Variants in MTFR1 observed in about 807,000 individuals in gnomAD.
MTFR1 encodes the protein chondrocyte protein with a poly-proline region.
Under a neutral mutation model 38.8 loss-of-function variants are expected in MTFR1, and 28 were observed. The observed-to-expected ratio is 0.72, with a 90% CI of 0.53 to 0.99. The LOEUF (loss-of-function observed/expected upper bound fraction) is 0.99. Ranked by LOEUF, MTFR1 falls within the 50% of genes least tolerant of loss-of-function variation. The probability of loss-of-function intolerance (pLI) is 0.00; values close to 1 mark genes in which losing one functional copy is unlikely to be tolerated. For missense variants in MTFR1, 358 were observed against 395.5 expected (o/e 0.91, Z 0.81); for synonymous variants, 145 against 137.0 (o/e 1.06, Z -0.41).
At chr8:65,646,427 A>T (rs191504470) in intron 1 of MTFR1, among the ~76,000 whole-genome samples, 41 of 152,320 alleles carry the variant, frequency 2.7e-4, no homozygotes, top group African/African-American at 9.9e-4. Flanking sequence ...TATTTCTGTT[A>T]AGCCACAAAT....
rs758784637 is a variant in MTFR1, at chr8:65,682,384, C to G, written c.98C>G (p.Ser33Cys). The G allele has an allele frequency of 6.4e-7, 1 of 1,572,166 alleles. No homozygotes were observed. Among genetic ancestry groups the G allele is most frequent in the African/African-American group, 1.4e-5 (1 of 73,194 alleles). Residue 33 changes from serine to cysteine, a missense_variant, in exon 3 of 8, where the codon TCT becomes TGT. Coordinates refer to ENST00000262146, the MANE Select transcript of MTFR1 (RefSeq NM_014637.4). ...TGGTCTAGGAAGCCATATGGTTCGT[C>G]TCGAAGTATCGTAAGGAAAATTGGT... ...VLWSRKPYGS[S>C]RSIVRKIGTN...
downstream of MTFR1, among the ~76,000 whole-genome samples, chr8:65,713,871 A>T (rs1806028350): frequency 1.3e-5 from 2 of 151,898 alleles, no homozygotes; most frequent in South Asian, 4.2e-4. Flanking sequence ...TTTTTTTAGT[A>T]GAGATGGGGT....
chr8:65,766,610 G>A (rs1293018202), intron 3 of MTFR1, among the ~76,000 whole-genome samples: 5 of 152,184 alleles, frequency 3.3e-5, no homozygotes, highest in Non-Finnish European at 5.9e-5. Context: ...CAGCATTGAC[G>A]TCAGTCTCTT....
intron 3 of MTFR1, chr8:65,724,815 A>C: frequency 6.2e-7 from 1 of 1,612,092 alleles, no homozygotes; most frequent in Non-Finnish European, 8.5e-7. Flanking sequence ...TCTTCTAGGC[A>C]TAAATCACCT....
intron 4 of MTFR1, among the ~76,000 whole-genome samples, chr8:65,698,654 T>C (rs1468228822): frequency 3.9e-5 from 6 of 152,150 alleles, no homozygotes; most frequent in Non-Finnish European, 8.8e-5. Flanking sequence ...ACTCAGGTAA[T>C]AAGCATAGGA....
intron 3 of MTFR1, among the ~76,000 whole-genome samples, chr8:65,751,497 G>T (rs1407724254): frequency 4.0e-5 from 6 of 150,988 alleles, no homozygotes; most frequent in Non-Finnish European, 8.8e-5. Context: ...CTTTTCTCGA[G>T]TTTCATCTCT....
rs150265219 is a variant in MTFR1 at position 65,716,421 on chromosome 8, G to A, written c.382-2959G>A. Reference sequence around the variant, plus strand: ...GGTAATGACGTTATTTAATGCATGTGCCAATCAGAAGCTGATGTAGAGAAG... The same window carrying A: ...GGTAATGACGTTATTTAATGCATGTACCAATCAGAAGCTGATGTAGAGAAG... On this transcript the variant is annotated intron_variant, in intron 2 of 3. Coordinates refer to the MTFR1 transcript ENST00000521247. Among the ~76,000 whole-genome samples, 664 of 152,244 alleles carry A rather than the reference G, an allele frequency of 4.4e-3. 16 individuals are homozygous for A. Among genetic ancestry groups the A allele is most frequent in the Admixed American group, 0.037 (563 of 15,282 alleles).
At chr8:65,730,343 G>A (rs1280658512) in intron 3 of MTFR1, among the ~76,000 whole-genome samples, 3 of 151,342 alleles carry the variant, frequency 2.0e-5, no homozygotes, top group Non-Finnish European at 4.4e-5. Context: ...ACCACAACCA[G>A]CTAATTTTGT....
intron 3 of MTFR1, among the ~76,000 whole-genome samples, chr8:65,743,867 C>G (rs568494849): frequency 1.1e-3 from 169 of 151,364 alleles, no homozygotes; most frequent in Non-Finnish European, 1.6e-3. Context: ...CAGTCTCGCT[C>G]TATTGCCCAG....
chr8:65,727,202 T>C, intron 3 of MTFR1: 1 of 1,612,376 alleles, frequency 6.2e-7, no homozygotes, highest in Non-Finnish European at 8.5e-7. Flanking sequence ...TGGTTAGTTT[T>C]AATAAGGAAA....
chr8:65,658,861 A>G (rs1359053449), intron 1 of MTFR1, among the ~76,000 whole-genome samples: 1 of 152,162 alleles, frequency 6.6e-6, no homozygotes, highest in Non-Finnish European at 1.5e-5. Context: ...AAGAGCTTCT[A>G]AAAGAGCTTA....
chr8:65,660,690 A>G lies in MTFR1; in HGVS notation c.-80-9183A>G, dbSNP rs75235266. Among the ~76,000 whole-genome samples the G allele has an allele frequency of 2.9e-3, 445 of 152,266 alleles. 2 individuals carry two copies. The highest frequency in any genetic ancestry group is 0.01 in the African/African-American group (424 of 41,558). On this transcript the variant is annotated intron_variant, in intron 1 of 7. Coordinates refer to ENST00000262146, the MANE Select transcript of MTFR1 (RefSeq NM_014637.4). The stretch of plus-strand genomic sequence containing the variant: ...AATCCCTCATAATAAATCTGTTTCT[A>G]TGTATCTATATTTTGTTGGTTCTCT...
At chr8:65,680,977 A>G (rs1311970871) in intron 2 of MTFR1, among the ~76,000 whole-genome samples, 9 of 148,166 alleles carry the variant, frequency 6.1e-5, no homozygotes, top group Non-Finnish European at 1.2e-4. Context: ...CAGTGGCGCA[A>G]TCTCGGCTCA....
At chr8:65,655,146 A>G (rs901843783) in intron 1 of MTFR1, among the ~76,000 whole-genome samples, 2 of 152,196 alleles carry the variant, frequency 1.3e-5, no homozygotes, top group East Asian at 1.9e-4. Context: ...TTCTGTGTCA[A>G]TCACTGTGGG....
At chr8:65,657,549 A>T (rs942057385) in intron 1 of MTFR1, among the ~76,000 whole-genome samples, 25 of 152,050 alleles carry the variant, frequency 1.6e-4, no homozygotes, top group Admixed American at 6.6e-4. Flanking sequence ...AAAAAAATTT[A>T]AAAAAATAGC....
At chr8:65,693,547 A>T in intron 3 of MTFR1, 97 bp from the exon 4 acceptor site, 2 of 880,970 alleles carry the variant, frequency 2.3e-6, no homozygotes, top group Non-Finnish European at 3.7e-6. Context: ...ATGTGTTTTT[A>T]ACACCAGAGC....
intron 3 of MTFR1, among the ~76,000 whole-genome samples, chr8:65,744,771 G>T (rs1478765860): frequency 6.6e-6 from 1 of 152,188 alleles, no homozygotes; most frequent in African/African-American, 2.4e-5. Context: ...AATAATAGCA[G>T]CGGCAATTGC....
At chr8:65,646,616 G>A (rs937438819) in intron 1 of MTFR1, among the ~76,000 whole-genome samples, 2 of 152,192 alleles carry the variant, frequency 1.3e-5, no homozygotes, top group Non-Finnish European at 2.9e-5. Context: ...TGGCTCAGCC[G>A]AGCACTTTGC....
chr8:65,700,225 C>T (rs547428831), intron 4 of MTFR1, among the ~76,000 whole-genome samples: 16 of 151,706 alleles, frequency 1.1e-4, no homozygotes, highest in Non-Finnish European at 1.6e-4. Context: ...GTGGTACACA[C>T]CTGTTGTCCT....
Sources: allele counts gnomAD v4.1 joint callset (sites outside exome capture counted in the v4.1 genomes callset), GRCh38; gene constraint gnomAD v4.1.1; transcripts MANE v1.5; gene names NCBI Gene and HGNC (gene_info 2026-07-23, HGNC 2026-07-21).